MACROD2: variants seen among roughly 807,000 people sequenced by gnomAD.
MACROD2 encodes the protein mono-ADP ribosylhydrolase 2.
A neutral mutation model predicts 70.4 loss-of-function variants in MACROD2; 36 were observed. The observed-to-expected ratio is 0.51, with a 90% CI of 0.39 to 0.68. MACROD2 has a LOEUF of 0.68. Among genes scored for constraint, MACROD2 ranks in the 30% least tolerant of loss-of-function variants. The pLI, the probability that MACROD2 is intolerant of heterozygous loss-of-function variation, is 0.00. For missense variants in MACROD2, 496 were observed against 538.4 expected (o/e 0.92, Z 0.78); for synonymous variants, 172 against 178.8 (o/e 0.96, Z 0.30).
At chr20:15,052,790 C>A (rs566002078) in intron 5 of MACROD2, among the ~76,000 whole-genome samples, 16 of 152,266 alleles carry the variant, frequency 1.1e-4, no homozygotes, top group African/African-American at 2.9e-4. Context: ...CGGCTTAGTG[C>A]GGAAGGCATG....
intron 9 of MACROD2, among the ~76,000 whole-genome samples, chr20:15,865,064 A>G (rs1276906617): frequency 6.6e-6 from 1 of 152,172 alleles, no homozygotes. Flanking sequence ...GTATTTCCCT[A>G]TAGTGCATTA....
At chr20:15,469,040 G>A (rs1404558367) in intron 7 of MACROD2, among the ~76,000 whole-genome samples, 3 of 152,112 alleles carry the variant, frequency 2.0e-5, no homozygotes, top group Non-Finnish European at 4.4e-5. Flanking sequence ...AAGATATTTA[G>A]GAGCTCATGT....
At chr20:14,868,212 A>C (rs1049125377) in intron 5 of MACROD2, among the ~76,000 whole-genome samples, 11 of 149,476 alleles carry the variant, frequency 7.4e-5, no homozygotes, top group African/African-American at 2.7e-4. Flanking sequence ...TTAAGAGACA[A>C]GTTCTCTCTT....
At chr20:14,453,007 C>A (rs1437158388) in intron 3 of MACROD2, among the ~76,000 whole-genome samples, 1 of 152,088 alleles carries the variant, frequency 6.6e-6, no homozygotes, top group Non-Finnish European at 1.5e-5. Context: ...ATTACCTTAT[C>A]TAGGTCCTTA....
chr20:15,116,809 G>A (rs933663014), intron 5 of MACROD2, among the ~76,000 whole-genome samples: 13 of 152,126 alleles, frequency 8.5e-5, no homozygotes, highest in African/African-American at 3.1e-4. Context: ...GTCAACAGCA[G>A]GCTATTAGTA....
intron 6 of MACROD2, among the ~76,000 whole-genome samples, chr20:15,289,102 C>G (rs906639227): frequency 3.9e-5 from 6 of 152,082 alleles, no homozygotes; most frequent in Non-Finnish European, 8.8e-5. Context: ...CCCGCCTCAC[C>G]CATGGGATGG....
chr20:14,119,312 C>T (rs1036179034), intron 3 of MACROD2, among the ~76,000 whole-genome samples: 25 of 151,342 alleles, frequency 1.7e-4, no homozygotes, highest in South Asian at 8.4e-4. Flanking sequence ...GGATTACCGG[C>T]GCCTGCCACC....
At chr20:15,869,228 T>TAGAGAG (rs1336136214) in intron 9 of MACROD2, among the ~76,000 whole-genome samples, 1 of 43,942 alleles carries the variant, frequency 2.3e-5, no homozygotes, top group East Asian at 5.7e-4. Context: ...TATATATATA[T>TAGAGAG]ATATATATAT....
At chr20:14,483,468 G>A (rs2084685779) in intron 3 of MACROD2, among the ~76,000 whole-genome samples, 1 of 151,934 alleles carries the variant, frequency 6.6e-6, no homozygotes, top group South Asian at 2.1e-4. Flanking sequence ...GTGCAATGGG[G>A]CGATCTTGGC....
chr20:15,917,105 C>A (rs533184031), intron 10 of MACROD2, among the ~76,000 whole-genome samples: 18 of 152,280 alleles, frequency 1.2e-4, no homozygotes, highest in African/African-American at 3.9e-4. Flanking sequence ...TAGAGAGGTG[C>A]TTGTCGTGTC....
At chr20:15,362,414 T>C (rs545137379) in intron 6 of MACROD2, among the ~76,000 whole-genome samples, 3 of 148,472 alleles carry the variant, frequency 2.0e-5, no homozygotes, top group Admixed American at 2.0e-4. Context: ...TTAAGCATGA[T>C]GTTAGCTGTA....
At chr20:14,114,324 A>C (rs1335847603) in intron 3 of MACROD2, among the ~76,000 whole-genome samples, 1 of 152,192 alleles carries the variant, frequency 6.6e-6, no homozygotes, top group African/African-American at 2.4e-5. Flanking sequence ...TCAAAACCAG[A>C]AACACATTTT....
chr20:15,471,864 C>A (rs540042992), intron 7 of MACROD2, among the ~76,000 whole-genome samples: 1 of 152,158 alleles, frequency 6.6e-6, no homozygotes, highest in Non-Finnish European at 1.5e-5. Flanking sequence ...TTTCTGATCA[C>A]TTTTCATTCC....
chr20:14,638,267 CT>C (rs1485346009), intron 4 of MACROD2, among the ~76,000 whole-genome samples: 1 of 152,072 alleles, frequency 6.6e-6, no homozygotes, highest in Non-Finnish European at 1.5e-5. Flanking sequence ...ACATTTCATA[CT>C]TACAAAAGAT....
intron 5 of MACROD2, among the ~76,000 whole-genome samples, chr20:14,758,494 G>A (rs931343498): frequency 5.9e-5 from 9 of 152,104 alleles, no homozygotes; most frequent in African/African-American, 2.2e-4. Flanking sequence ...ATTTCAAAAC[G>A]TGGACTGGGA....
At chr20:15,919,430 G>T (rs2065368590) in intron 10 of MACROD2, among the ~76,000 whole-genome samples, 1 of 152,128 alleles carries the variant, frequency 6.6e-6, no homozygotes, top group African/African-American at 2.4e-5. Context: ...TTGGCTAATT[G>T]TTTCAGGTGA....
At chr20:15,061,840 C>T (rs1210501340) in intron 5 of MACROD2, among the ~76,000 whole-genome samples, 7 of 152,036 alleles carry the variant, frequency 4.6e-5, no homozygotes, top group East Asian at 3.9e-4. Flanking sequence ...TTATGAGACC[C>T]GGAGGATGGT....
intron 3 of MACROD2, chr20:14,127,325 G>A (rs2054663867): frequency 3.3e-6 from 1 of 307,276 alleles, no homozygotes; most frequent in Non-Finnish European, 6.2e-6. Context: ...CATAAGAAAA[G>A]TTTGGGCCAT....
chr20:14,154,855 AAC>A (rs764593485), intron 3 of MACROD2, among the ~76,000 whole-genome samples: 4 of 152,114 alleles, frequency 2.6e-5, no homozygotes, highest in Non-Finnish European at 5.9e-5. Flanking sequence ...GATCTTTGGA[AAC>A]ACTGTGTGAA....
Sources: allele counts gnomAD v4.1 joint callset (sites outside exome capture counted in the v4.1 genomes callset), GRCh38; gene constraint gnomAD v4.1.1; transcripts MANE v1.5; gene names NCBI Gene and HGNC (gene_info 2026-07-23, HGNC 2026-07-21).